CLASP2: variants seen among roughly 807,000 people sequenced by gnomAD.
CLASP2 encodes the protein CLIP-associating protein 2.
CLASP2 carries 47 observed loss-of-function variants against 194.4 expected under a neutral mutation model. The ratio of observed to expected loss-of-function variants is 0.24; its 90% CI spans 0.19 to 0.31. CLASP2 has a LOEUF of 0.31. CLASP2 is among the 10% of genes least tolerant of loss of function. The pLI is 1.00. For missense variants in CLASP2, 1,445 were observed against 1,823.6 expected, an observed-to-expected ratio of 0.79 and a Z score of 3.78; for synonymous variants, 619 against 633.5, an observed-to-expected ratio of 0.98 and a Z score of 0.34.
intron 29 of CLASP2, among the ~76,000 whole-genome samples, chr3:33,552,372 C>T (rs2060164781): frequency 6.6e-6 from 1 of 152,154 alleles, no homozygotes. Context: ...CTGCCTCAGT[C>T]TCCCGAAGTG....
intron 27 of CLASP2, among the ~76,000 whole-genome samples, chr3:33,562,691 TC>T (rs1479120092): frequency 6.6e-6 from 1 of 152,186 alleles, no homozygotes; most frequent in Non-Finnish European, 1.5e-5. Context: ...TCAACACTTG[TC>T]TATGCTCCTG....
rs548658086 is a variant in CLASP2 at position 33,690,142 on chromosome 3, T to G, written c.275-210A>C. Among the ~76,000 whole-genome samples the G allele has an allele frequency of 2.0e-5, 3 of 152,218 alleles. No homozygotes were observed. In the South Asian group the frequency reaches 6.2e-4, roughly 32 times the overall value. ...GCAGCATGATATCTCCTTATAATAA[T>G]GTTAAAAAAACAGCAAAACTAAATA... On this transcript the variant is annotated intron_variant, in intron 2 of 38. Coordinates refer to ENST00000682230, the MANE Select transcript of CLASP2 (RefSeq NM_001365631.1).
chr3:33,615,561 T>TA (rs59290865), intron 12 of CLASP2, among the ~76,000 whole-genome samples: 62 of 147,608 alleles, frequency 4.2e-4, no homozygotes, highest in African/African-American at 1.3e-3. Context: ...AAAGCAGATT[T>TA]AAAAAAAAAA....
At chr3:33,688,774 A>G (rs1208705502) in intron 3 of CLASP2, among the ~76,000 whole-genome samples, 1 of 152,154 alleles carries the variant, frequency 6.6e-6, no homozygotes, top group Non-Finnish European at 1.5e-5. Flanking sequence ...ATAGACTCAC[A>G]TGGAACAGGC....
At chr3:33,708,565 T>C (rs201013315) in intron 1 of CLASP2, among the ~76,000 whole-genome samples, 40 of 141,418 alleles carry the variant, frequency 2.8e-4, no homozygotes, top group Admixed American at 1.6e-3. Context: ...TATATATACA[T>C]ACACACACAC....
chr3:33,620,281 A>G (rs926987166), intron 11 of CLASP2, among the ~76,000 whole-genome samples: 6 of 152,086 alleles, frequency 3.9e-5, no homozygotes, highest in African/African-American at 1.4e-4. Context: ...ATACAACTCT[A>G]CCATATCTTA....
Position 33,516,050 on chromosome 3 carries a change from C to T in CLASP2, c.4083G>A (p.Leu1361=), listed in dbSNP as rs1165921037. The T allele has an allele frequency of 9.3e-6, 15 of 1,610,652 alleles. No homozygotes were observed. Among genetic ancestry groups the T allele is most frequent in the Non-Finnish European group, 1.3e-5 (15 of 1,178,410 alleles). The part of the protein sequence containing the change: ...NYAELTVMKT[L]EAHKDPHKEV... The stretch of plus-strand genomic sequence containing the variant: ...CCTTATGAGGATCTTTATGTGCTTC[C>T]AATGTTTTCATGACAGTCAATTCTG... The change falls in exon 36 of 39, where the codon TTG becomes TTA. Residue 1361 remains leucine (L), a synonymous_variant. Coordinates refer to ENST00000682230, the MANE Select transcript of CLASP2 (RefSeq NM_001365631.1).
chr3:33,622,509 C>T (rs539369467), intron 10 of CLASP2, among the ~76,000 whole-genome samples: 3 of 152,138 alleles, frequency 2.0e-5, no homozygotes, highest in South Asian at 2.1e-4. Context: ...ATAAGCACGA[C>T]GGAGAAATGT....
chr3:33,516,847 T>A (rs937655453), intron 35 of CLASP2, 134 bp downstream of exon 35: 19 of 769,776 alleles, frequency 2.5e-5, no homozygotes, highest in Middle Eastern at 3.8e-4. Flanking sequence ...TACTTCACAG[T>A]GAAAAGTTCA....
chr3:33,513,487 G>A (rs770848765), intron 36 of CLASP2, among the ~76,000 whole-genome samples: 2 of 152,108 alleles, frequency 1.3e-5, no homozygotes, highest in African/African-American at 2.4e-5. Context: ...AGCTGAGATC[G>A]TGCCACTGCA....
intron 1 of CLASP2, among the ~76,000 whole-genome samples, chr3:33,716,449 G>A (rs1398213050): frequency 1.3e-5 from 2 of 152,176 alleles, no homozygotes; most frequent in Non-Finnish European, 2.9e-5. Context: ...GGAGTGAAAT[G>A]GCCCAAAGCC....
At chr3:33,618,510 T>C (rs1353918161) in intron 12 of CLASP2, among the ~76,000 whole-genome samples, 1 of 147,500 alleles carries the variant, frequency 6.8e-6, no homozygotes, top group East Asian at 2.0e-4. Flanking sequence ...TAGCCAGGCA[T>C]GGTGGTGGGT....
chr3:33,716,174 G>A (rs1213720109), intron 1 of CLASP2, among the ~76,000 whole-genome samples: 1 of 152,186 alleles, frequency 6.6e-6, no homozygotes, highest in African/African-American at 2.4e-5. Flanking sequence ...TGTATAGACA[G>A]GTGGTGGGAG....
intron 36 of CLASP2, among the ~76,000 whole-genome samples, chr3:33,512,992 AAACCAACCAACC>A (rs900098451): frequency 2.6e-5 from 4 of 152,104 alleles, no homozygotes; most frequent in Admixed American, 6.5e-5. Flanking sequence ...CTCCGTCTAA[AAACCAACCAACC>A]AACCAACCAA....
intron 16 of CLASP2, among the ~76,000 whole-genome samples, chr3:33,604,682 A>G (rs2073319626): frequency 6.6e-6 from 1 of 152,108 alleles, no homozygotes; most frequent in South Asian, 2.1e-4. Flanking sequence ...CCCAATCATC[A>G]GGTATCAATG....
intron 30 of CLASP2, among the ~76,000 whole-genome samples, chr3:33,547,832 G>A (rs982828672): frequency 6.2e-5 from 9 of 145,200 alleles, no homozygotes; most frequent in South Asian, 2.2e-4. Context: ...TCTGTCACTC[G>A]GGCTGGAGTG....
intron 32 of CLASP2, among the ~76,000 whole-genome samples, chr3:33,540,232 ATTTTTTTTT>A (rs11398038): frequency 8.2e-6 from 1 of 122,106 alleles, no homozygotes; most frequent in African/African-American, 3.2e-5. Context: ...GACTGGCCAA[ATTTTTTTTT>A]TTTTTTTTTT....
chr3:33,702,007 A>T (rs1196849947), intron 1 of CLASP2, among the ~76,000 whole-genome samples: 1 of 152,152 alleles, frequency 6.6e-6, no homozygotes, highest in Non-Finnish European at 1.5e-5. Flanking sequence ...AGCAGACTTC[A>T]CTAAGAACTT....
intron 5 of CLASP2, among the ~76,000 whole-genome samples, chr3:33,686,114 G>A (rs1212869725): frequency 6.6e-6 from 1 of 152,164 alleles, no homozygotes; most frequent in African/African-American, 2.4e-5. Flanking sequence ...CAACTGAAGA[G>A]ACAGTAGAAT....
Sources: gnomAD v4.1 joint callset for allele counts (sites outside exome capture counted in the v4.1 genomes callset) on GRCh38, gnomAD v4.1.1 for gene constraint, MANE v1.5 for transcripts, NCBI Gene and HGNC (gene_info 2026-07-23, HGNC 2026-07-21) for gene names.